The following CYB5R4 variants were observed in gnomAD, a reference collection of about 807,000 sequenced individuals.
CYB5R4 encodes the protein cytochrome b5 reductase 4, also known as N-terminal cytochrome b5 and cytochrome b5 oxidoreductase domain-containing protein.
A neutral mutation model predicts 70.2 loss-of-function variants in CYB5R4; 55 were observed. The ratio of observed to expected loss-of-function variants is 0.78; its 90% confidence interval spans 0.63 to 0.98. The LOEUF (loss-of-function observed/expected upper bound fraction) is 0.98. Among genes scored for constraint, CYB5R4 ranks in the 50% least tolerant of loss-of-function variants. The probability of loss-of-function intolerance (pLI) is 0.00; values close to 1 mark genes in which losing one functional copy is unlikely to be tolerated. For missense variants in CYB5R4, 562 were observed against 612.6 expected (o/e 0.92, Z 0.87); for synonymous variants, 197 against 199.5 (o/e 0.99, Z 0.11).
intron 3 of CYB5R4, among the ~76,000 whole-genome samples, chr6:83,907,080 T>G (rs1230950785): frequency 2.6e-5 from 4 of 152,154 alleles, no homozygotes; most frequent in Non-Finnish European, 4.4e-5. Flanking sequence ...CTGCAGATTT[T>G]TAAGTCCTTT....
chr6:83,919,329 A>G, intron 6 of CYB5R4, 68 bp from the exon 7 acceptor site: 1 of 855,788 alleles, frequency 1.2e-6, no homozygotes. Flanking sequence ...TAAACATTTA[A>G]TGATTAATAT....
chr6:83,917,956 A>G, intron 5 of CYB5R4, 49 bp from the exon 6 acceptor site: 1 of 1,467,494 alleles, frequency 6.8e-7, no homozygotes, highest in Non-Finnish European at 9.4e-7. Context: ...AAAAGACAAA[A>G]AGTTAAAAAT....
chr6:83,924,160 G>GTTT (rs2099466907), intron 9 of CYB5R4, among the ~76,000 whole-genome samples: 1 of 37,112 alleles, frequency 2.7e-5, no homozygotes, highest in African/African-American at 1.1e-4. Context: ...TTTTTTTTTT[G>GTTT]TTAGCTTTAT....
rs139575349 is a variant in CYB5R4, at chr6:83,927,647, C to T, written c.814+3055C>T. On this transcript the variant is annotated intron_variant, in intron 10 of 15. Coordinates refer to ENST00000369681, the MANE Select transcript of CYB5R4 (RefSeq NM_016230.4). ...AAAATATGTGAAAAGGGGCACAGAG[C>T]TTCCATGACCTCAGTGATTGCATCA... Among the ~76,000 whole-genome samples the T allele has an allele frequency of 7.2e-5, 11 of 152,304 alleles. 1 individual carries two copies. The highest frequency in any genetic ancestry group is 5.8e-4 in the East Asian group (3 of 5,186).
chr6:83,940,035 A>G, intron 12 of CYB5R4, 21 bp from the exon 13 acceptor site: 1 of 1,352,246 alleles, frequency 7.4e-7, no homozygotes, highest in Non-Finnish European at 9.8e-7. Flanking sequence ...TTTCTGATTT[A>G]GCTTATGTTT....
At chr6:83,915,547 C>T (rs1027626105) in intron 5 of CYB5R4, among the ~76,000 whole-genome samples, 3 of 152,178 alleles carry the variant, frequency 2.0e-5, no homozygotes, top group Non-Finnish European at 4.4e-5. Flanking sequence ...TTTCTTTCCA[C>T]CACATGTGGC....
At chr6:83,934,565 A>G (rs773399289) in intron 10 of CYB5R4, 30 bp from the exon 11 acceptor site, 2 of 1,531,256 alleles carry the variant, frequency 1.3e-6, no homozygotes, top group South Asian at 1.2e-5. Flanking sequence ...TACTTTATGT[A>G]TCAATAAGAG....
Position 83,965,781 on chromosome 6 carries a change from G to A in CYB5R4, c.*5903G>A, listed in dbSNP as rs35101861. On this transcript the variant is annotated 3_prime_UTR_variant, in exon 16 of 16. Coordinates refer to ENST00000369681, the MANE Select transcript of CYB5R4 (RefSeq NM_016230.4). ...CTCCCATAATTCCCATGTGTTATACGTGGGACCTGGTGGGAGATAATTTGA... is the reference window on the plus strand; with the variant it reads ...CTCCCATAATTCCCATGTGTTATACATGGGACCTGGTGGGAGATAATTTGA... 0.045 allele frequency: 6,892 copies of A among 152,196 alleles called. 192 individuals are homozygous for A. Among genetic ancestry groups the A allele is most frequent in the African/African-American group, 0.068 (2,839 of 41,520 alleles). The allele number at this position is 152,196 out of a possible 1,614,324, so 9.4% of individuals were successfully genotyped here. A position where few individuals can be genotyped will look rare whatever the true frequency, so the allele number is the denominator to read the frequency against.
intron 2 of CYB5R4, among the ~76,000 whole-genome samples, chr6:83,866,093 A>G (rs1047354741): frequency 6.6e-6 from 1 of 152,202 alleles, no homozygotes; most frequent in African/African-American, 2.4e-5. Context: ...TAATTTCCCA[A>G]GAACACCTTT....
intron 1 of CYB5R4, among the ~76,000 whole-genome samples, chr6:83,861,517 T>G (rs1004983131): frequency 2.0e-5 from 3 of 152,248 alleles, no homozygotes; most frequent in Admixed American, 1.3e-4. Context: ...GCCACTGTCT[T>G]TGGAGTTTGC....
chr6:83,945,633 G>T (rs1472159682), intron 14 of CYB5R4, among the ~76,000 whole-genome samples: 1 of 152,150 alleles, frequency 6.6e-6, no homozygotes, highest in Non-Finnish European at 1.5e-5. Context: ...GACTCCAGGA[G>T]CTGGTATTTT....
rs1171906405 is a variant in CYB5R4 at position 83,902,109 on chromosome 6, AAGTGTTTTTCC to A, written c.331-6891_331-6881del. On this transcript the variant is annotated intron_variant, in intron 3 of 15. Transcript: ENST00000369681. ...AATCTTTGCTTAGACCAATGTCATG[AAGTGTTTTTCC>A]AGTGTTTTCTTCTAGTGATTTTATA... Among the ~76,000 whole-genome samples, 10 of 152,128 alleles carry A rather than the reference AAGTGTTTTTCC, an allele frequency of 6.6e-5. No homozygotes were observed. The East Asian group carries it at 1.9e-3, about 29-fold the overall frequency.
intron 2 of CYB5R4, among the ~76,000 whole-genome samples, chr6:83,874,456 C>T (rs887309264): frequency 6.6e-6 from 1 of 151,722 alleles, no homozygotes; most frequent in Non-Finnish European, 1.5e-5. Context: ...CCTGCCTTGG[C>T]CTCCCAAAGT....
intron 9 of CYB5R4, among the ~76,000 whole-genome samples, chr6:83,922,816 TCTCA>T (rs898450637): frequency 6.6e-6 from 1 of 152,036 alleles, no homozygotes; most frequent in African/African-American, 2.4e-5. Flanking sequence ...TGAGATGGGG[TCTCA>T]CTCTGTCACC....
At chr6:83,872,125 G>T (rs1197386962) in intron 2 of CYB5R4, among the ~76,000 whole-genome samples, 1 of 152,146 alleles carries the variant, frequency 6.6e-6, no homozygotes, top group Non-Finnish European at 1.5e-5. Context: ...GTTATTGCCT[G>T]AATTACTTGA....
At chr6:83,874,879 G>C (rs2099458268) in intron 2 of CYB5R4, among the ~76,000 whole-genome samples, 1 of 151,412 alleles carries the variant, frequency 6.6e-6, no homozygotes, top group Non-Finnish European at 1.5e-5. Context: ...CTGGAGTGCA[G>C]TGGCGCGATC....
intron 14 of CYB5R4, among the ~76,000 whole-genome samples, chr6:83,950,943 T>C (rs570235059): frequency 3.2e-3 from 494 of 152,188 alleles, no homozygotes; most frequent in Non-Finnish European, 6.1e-3. Context: ...CAACAGGTGG[T>C]TTTCAACCTT....
chr6:83,901,655 A>C (rs374867131), intron 3 of CYB5R4, among the ~76,000 whole-genome samples: 7 of 149,784 alleles, frequency 4.7e-5, no homozygotes, highest in East Asian at 3.9e-4. Flanking sequence ...GGCTTTGTTC[A>C]TTTCTGAGTT....
At chr6:83,943,064 T>C (rs2099470019) in intron 14 of CYB5R4, among the ~76,000 whole-genome samples, 1 of 152,208 alleles carries the variant, frequency 6.6e-6, no homozygotes, top group Admixed American at 6.5e-5. Context: ...TCCTGCTTGC[T>C]GGCTCTGAAG....
Sources: allele counts gnomAD v4.1 joint callset (sites outside exome capture counted in the v4.1 genomes callset), GRCh38; gene constraint gnomAD v4.1.1; transcripts MANE v1.5; gene names NCBI Gene and HGNC (gene_info 2026-07-23, HGNC 2026-07-21).